CAPZB: variants seen among roughly 807,000 people sequenced by gnomAD.
CAPZB encodes capping actin protein of muscle Z-line subunit beta.
In CAPZB, 2 loss-of-function variants were observed where a neutral mutation model predicts 38.1. The observed-to-expected ratio is 0.05, with a 90% CI of 0.02 to 0.17. The LOEUF is 0.17. Ranked by LOEUF, CAPZB falls within the 10% of genes least tolerant of loss-of-function variation. The pLI is 1.00. For missense variants in CAPZB, 161 were observed against 334.2 expected, an observed-to-expected ratio of 0.48 and a Z score of 4.04; for synonymous variants, 107 against 127.4, an observed-to-expected ratio of 0.84 and a Z score of 1.08.
At chr1:19,448,969 G>C (rs929326393) in intron 1 of CAPZB, 1 of 1,606,476 alleles carries the variant, frequency 6.2e-7, no homozygotes, top group African/African-American at 1.3e-5. Context: ...AGGCGAGGGG[G>C]CAAGAGGAAG....
At chr1:19,434,224 T>G (rs562623644) in intron 1 of CAPZB, among the ~76,000 whole-genome samples, 1 of 151,994 alleles carries the variant, frequency 6.6e-6, no homozygotes, top group African/African-American at 2.4e-5. Context: ...CAGACAAGAG[T>G]TCAAAGCCCA....
intron 1 of CAPZB, among the ~76,000 whole-genome samples, chr1:19,480,052 G>A (rs1455601707): frequency 3.9e-5 from 6 of 152,174 alleles, no homozygotes; most frequent in Non-Finnish European, 7.3e-5. Context: ...AGGGCTGCGT[G>A]GAGGAGGGGG....
chr1:19,474,547 G>C (rs899439238), intron 1 of CAPZB, among the ~76,000 whole-genome samples: 4 of 152,022 alleles, frequency 2.6e-5, no homozygotes, highest in Non-Finnish European at 4.4e-5. Flanking sequence ...CCTAAACCCT[G>C]ACACTTCACA....
chr1:19,410,054 G>A (rs2094350744), intron 2 of CAPZB, among the ~76,000 whole-genome samples: 1 of 152,162 alleles, frequency 6.6e-6, no homozygotes, highest in South Asian at 2.1e-4. Flanking sequence ...TCCCAAATAG[G>A]AATACCACTT....
intron 2 of CAPZB, among the ~76,000 whole-genome samples, chr1:19,396,016 T>C (rs10799808): frequency 0.48 from 72,470 of 152,088 alleles, 18,826 homozygotes; most frequent in African/African-American, 0.7. Context: ...CTTCCCCGTG[T>C]TCCACCTAAG....
At chr1:19,408,717 A>C (rs2094344372) in intron 2 of CAPZB, among the ~76,000 whole-genome samples, 1 of 152,204 alleles carries the variant, frequency 6.6e-6, no homozygotes, top group Non-Finnish European at 1.5e-5. Flanking sequence ...TCAGGCCTGC[A>C]CTTCGCAGAG....
At chr1:19,484,057 G>A in intron 1 of CAPZB, 1 of 866,806 alleles carries the variant, frequency 1.2e-6, no homozygotes, top group Non-Finnish European at 1.8e-6. Context: ...GGGTCAAGTG[G>A]CAGGAGGGCA....
intron 4 of CAPZB, among the ~76,000 whole-genome samples, chr1:19,366,283 A>AATATATATATATATATATATATAT (rs201882034): frequency 8.4e-4 from 51 of 60,456 alleles, no homozygotes; most frequent in African/African-American, 3.1e-3. Context: ...CGTGTCTTAA[A>AATATATATATATATATATATATAT]ATATATATAT....
Position 19,371,845 on chromosome 1 carries a change from A to G in CAPZB, c.329+6695T>C, listed in dbSNP as rs114943456. On this transcript the variant is annotated intron_variant, in intron 4 of 8. Coordinates refer to ENST00000264202, the MANE Select transcript of CAPZB (RefSeq NM_004930.5). ...CGGAAATCAGGTGCAAACATTTCTC[A>G]CATGTGAACATGGACATCCTGCCCT... 7.4e-3 allele frequency among the ~76,000 whole-genome samples: 1,135 copies of G among 152,378 alleles called. 20 individuals carry two copies. Among genetic ancestry groups the G allele is most frequent in the African/African-American group, 0.026 (1,079 of 41,592 alleles).
chr1:19,391,825 G>A (rs72959317), intron 2 of CAPZB, among the ~76,000 whole-genome samples: 1,908 of 152,270 alleles, frequency 0.013, 38 homozygotes, highest in African/African-American at 0.043. Flanking sequence ...GGCTCAGCAC[G>A]GGAAGAGATG....
Position 19,484,729 on chromosome 1 carries a change from C to A in CAPZB, c.3+707G>T, listed in dbSNP as rs542307368. The A allele has an allele frequency of 2.1e-3, 2,165 of 1,043,892 alleles. 1 individual carries two copies. The highest frequency in any genetic ancestry group is 2.4e-3 in the Non-Finnish European group (2,068 of 861,990). 64.7% of individuals were successfully genotyped at this position (1,043,892 alleles called of 1,614,324 possible). A position where few individuals can be genotyped will look rare whatever the true frequency, so the allele number is the denominator to read the frequency against. ...CTGATGAGAGGCTCAGGGCGGGGAC[C>A]GAGCGGGGCTGACGCAGGTTACGCT... On this transcript the variant is annotated intron_variant, in intron 1 of 8. Coordinates refer to ENST00000264202, the MANE Select transcript of CAPZB (RefSeq NM_004930.5).
chr1:19,397,572 T>C (rs1246606891), intron 2 of CAPZB, among the ~76,000 whole-genome samples: 1 of 152,190 alleles, frequency 6.6e-6, no homozygotes, highest in Non-Finnish European at 1.5e-5. Flanking sequence ...AGAGAAGTAC[T>C]TGGCAAGATT....
At chr1:19,424,488 A>T (rs568009939) in intron 1 of CAPZB, 9 of 152,490 alleles carry the variant, frequency 5.9e-5, no homozygotes, top group African/African-American at 2.2e-4. Context: ...TATGCCCATC[A>T]GGTGTCCGCA....
At chr1:19,427,382 AC>A (rs1319763801) in intron 1 of CAPZB, among the ~76,000 whole-genome samples, 6 of 152,228 alleles carry the variant, frequency 3.9e-5, no homozygotes, top group African/African-American at 1.2e-4. Context: ...TTAGCAAATA[AC>A]TTCATAGACA....
chr1:19,477,489 A>G (rs1184407281), intron 1 of CAPZB, among the ~76,000 whole-genome samples: 2 of 152,224 alleles, frequency 1.3e-5, no homozygotes, highest in Non-Finnish European at 2.9e-5. Flanking sequence ...TTTTCACACC[A>G]GAAGGATGTG....
rs10583269 is a variant in CAPZB at position 19,432,042 on chromosome 1, CAA to C, written c.4-12294_4-12293del. Reference sequence around the variant, plus strand: ...TGCATAACAGAATGAGATCCTGTCTCAAAAAAAAAAAAAAAAAAAAAAAGAAA... The same window carrying C: ...TGCATAACAGAATGAGATCCTGTCTCAAAAAAAAAAAAAAAAAAAAAGAAA... On this transcript the variant is annotated intron_variant, in intron 1 of 8. Coordinates refer to ENST00000264202, the MANE Select transcript of CAPZB (RefSeq NM_004930.5). Among the ~76,000 whole-genome samples, 632 of 122,330 alleles carry C rather than the reference CAA, an allele frequency of 5.2e-3. 1 individual carries two copies. The highest frequency in any genetic ancestry group is 0.017 in the South Asian group (58 of 3,468). 80.3% of individuals were successfully genotyped at this position (122,330 alleles called of 152,430 possible).
chr1:19,482,681 C>T (rs1289422061), intron 1 of CAPZB, among the ~76,000 whole-genome samples: 2 of 152,172 alleles, frequency 1.3e-5, no homozygotes, highest in Non-Finnish European at 2.9e-5. Flanking sequence ...GGAATTCATT[C>T]CAAAGTCAAA....
At chr1:19,367,361 C>G (rs2094094926) in intron 4 of CAPZB, among the ~76,000 whole-genome samples, 1 of 152,230 alleles carries the variant, frequency 6.6e-6, no homozygotes, top group African/African-American at 2.4e-5. Context: ...TTTCATCAGG[C>G]TCTTACTTTC....
At chr1:19,440,350 T>G (rs2094471878) in intron 1 of CAPZB, among the ~76,000 whole-genome samples, 1 of 152,178 alleles carries the variant, frequency 6.6e-6, no homozygotes, top group Admixed American at 6.5e-5. Flanking sequence ...AAAATACACC[T>G]TTGTAATGAA....
Sources: gnomAD v4.1 joint callset for allele counts (sites outside exome capture counted in the v4.1 genomes callset) on GRCh38, gnomAD v4.1.1 for gene constraint, MANE v1.5 for transcripts, NCBI Gene and HGNC (gene_info 2026-07-23, HGNC 2026-07-21) for gene names.